Variants in CPSF3 observed in about 807,000 individuals in gnomAD.
The protein encoded by CPSF3 is cleavage and polyadenylation specificity factor subunit 3.
CPSF3 carries 57 observed loss-of-function variants against 84.1 expected under a neutral mutation model. That is an observed-to-expected ratio of 0.68 (90% CI 0.55 to 0.85). The LOEUF is 0.85. CPSF3 is among the 40% of genes least tolerant of loss of function. The pLI, the probability that CPSF3 is intolerant of heterozygous loss-of-function variation, is 0.00. For missense variants in CPSF3, 522 were observed against 838.8 expected (o/e 0.62, Z 4.66); for synonymous variants, 275 against 278.1 (o/e 0.99, Z 0.11).
At chr2:9,440,756 G>GCCT in intron 8 of CPSF3, 90 bp downstream of exon 8, 1 of 1,331,240 alleles carries the variant, frequency 7.5e-7, no homozygotes, top group Non-Finnish European at 1.1e-6. Context: ...ATGGCTCACA[G>GCCT]CTGTAATTTA....
Position 9,433,884 on chromosome 2 carries a change from G to C in CPSF3, c.533G>C (p.Gly178Ala). The C allele has an allele frequency of 6.2e-7, 1 of 1,609,602 alleles. No individual in the cohort carries two copies. The highest frequency in any genetic ancestry group is 1.1e-5 in the South Asian group (1 of 90,496). The change falls in exon 6 of 18, where the codon GGT (glycine) becomes GCT (alanine). Residue 178 changes from glycine to alanine, a missense_variant. Physicochemically the swap from Gly to Ala is moderately conservative, Grantham distance 60. Coordinates refer to ENST00000238112, the MANE Select transcript of CPSF3 (RefSeq NM_016207.4). ...TCTTTTTCACAGCTTTTGTACACTG[G>C]TGATTTCTCAAGACAAGAAGATAGG... is the stretch of plus-strand genomic sequence containing the variant. ...EIAGVKLLYT[G>A]DFSRQEDRHL...
At chr2:9,443,310 G>T (rs1280814470) in intron 9 of CPSF3, among the ~76,000 whole-genome samples, 1 of 152,120 alleles carries the variant, frequency 6.6e-6, no homozygotes, top group Admixed American at 6.6e-5. Context: ...ATGAGTTTTA[G>T]TTAATTTGTT....
At chr2:9,441,788 A>G (rs781660183) in intron 8 of CPSF3, 30 bp from the exon 9 acceptor site, 3 of 1,610,070 alleles carry the variant, frequency 1.9e-6, no homozygotes, top group African/African-American at 2.7e-5. Flanking sequence ...GGTAGCTAAC[A>G]TACTTTTCCC....
chr2:9,436,774 A>AAAAAAATAAATAAAAAATAATAAT (rs139337028), intron 7 of CPSF3, among the ~76,000 whole-genome samples: 2 of 143,002 alleles, frequency 1.4e-5, no homozygotes, highest in Non-Finnish European at 3.1e-5. Flanking sequence ...CCATCTCAAA[A>AAAAAAATAAATAAAAAATAATAAT]AATAATAATA....
intron 13 of CPSF3, among the ~76,000 whole-genome samples, chr2:9,456,602 C>T (rs973847057): frequency 6.6e-6 from 1 of 152,152 alleles, no homozygotes; most frequent in South Asian, 2.1e-4. Context: ...AACTAGCTGG[C>T]AACAATTGAC....
At position 9,425,484 on chromosome 2, in the gene CPSF3, C is replaced by A. The variant is rs978030337; in HGVS notation, c.50+1661C>A. ...AGTGAGATATTGAAAGATTCTAAGTCTAGCTGACGAGAGCCTGTAGTGAGT... is the reference window on the plus strand; with the variant it reads ...AGTGAGATATTGAAAGATTCTAAGTATAGCTGACGAGAGCCTGTAGTGAGT... On this transcript the variant is annotated intron_variant, in intron 1 of 17. Coordinates refer to ENST00000238112, the MANE Select transcript of CPSF3 (RefSeq NM_016207.4). Among the ~76,000 whole-genome samples, 7 of 152,130 alleles carry A rather than the reference C, an allele frequency of 4.6e-5. 1 individual carries two copies. Among genetic ancestry groups the A allele is most frequent in the Admixed American group, 3.3e-4 (5 of 15,268 alleles).
At chr2:9,449,442 CAAAA>C (rs1681242298) in intron 11 of CPSF3, among the ~76,000 whole-genome samples, 1 of 150,700 alleles carries the variant, frequency 6.6e-6, no homozygotes, top group African/African-American at 2.4e-5. Context: ...AACAAACAAA[CAAAA>C]AAGAAGTAAT....
At chr2:9,430,561 A>C (rs1295756062) in intron 3 of CPSF3, among the ~76,000 whole-genome samples, 191 bp from the exon 4 acceptor site, 1 of 152,222 alleles carries the variant, frequency 6.6e-6, no homozygotes, top group African/African-American at 2.4e-5. Flanking sequence ...AATACTTTAA[A>C]CATCTTTCCT....
chr2:9,432,490 C>T (rs1300663739), intron 4 of CPSF3, 21 bp from the exon 5 acceptor site: 1 of 1,421,608 alleles, frequency 7.0e-7, no homozygotes, highest in Non-Finnish European at 9.4e-7. Flanking sequence ...ATTGTTTTTG[C>T]TGGCATCTTT....
chr2:9,468,086 C>A (rs1400753308), intron 16 of CPSF3: 4 of 270,492 alleles, frequency 1.5e-5, no homozygotes, highest in Non-Finnish European at 2.0e-5. Flanking sequence ...AAAATCTTAG[C>A]TGAATGTTAC....
intron 4 of CPSF3, 117 bp from the exon 5 acceptor site, chr2:9,432,394 A>G (rs1680622009): frequency 1.5e-6 from 1 of 656,730 alleles, no homozygotes; most frequent in Non-Finnish European, 2.3e-6. Context: ...CATGATTCAT[A>G]CAGTATATTT....
intron 13 of CPSF3, among the ~76,000 whole-genome samples, chr2:9,456,511 G>T (rs1027286597): frequency 1.3e-5 from 2 of 152,184 alleles, no homozygotes; most frequent in Non-Finnish European, 2.9e-5. Flanking sequence ...TTAAGAGGAT[G>T]CTAGAAAGAC....
intron 7 of CPSF3, among the ~76,000 whole-genome samples, chr2:9,437,136 G>C (rs1680812521): frequency 6.6e-6 from 1 of 152,094 alleles, no homozygotes; most frequent in South Asian, 2.1e-4. Flanking sequence ...GGACGTGGTG[G>C]CTCACGCCTG....
chr2:9,456,790 G>T, intron 13 of CPSF3, 143 bp from the exon 14 acceptor site: 1 of 506,482 alleles, frequency 2.0e-6, no homozygotes, highest in East Asian at 3.1e-5. Flanking sequence ...GTACTTTGCT[G>T]TTTAAAAATT....
At chr2:9,460,219 G>A (rs1261895291) in intron 15 of CPSF3, among the ~76,000 whole-genome samples, 1 of 152,096 alleles carries the variant, frequency 6.6e-6, no homozygotes, top group Non-Finnish European at 1.5e-5. Flanking sequence ...CACAAGGTCA[G>A]GAGATCGAGA....
intron 15 of CPSF3, among the ~76,000 whole-genome samples, chr2:9,462,012 G>A (rs1420523459): frequency 6.6e-6 from 1 of 152,066 alleles, no homozygotes; most frequent in African/African-American, 2.4e-5. Flanking sequence ...CGCCTGTGTT[G>A]ACCTCCCAAG....
chr2:9,448,200 T>G lies in CPSF3; in HGVS notation c.1245T>G (p.Ile415Met). Residue 415 changes from isoleucine (I) to methionine (M), a missense_variant and splice_region_variant, in exon 11 of 18, where the codon ATT (isoleucine) becomes ATG (methionine). Ile to Met is a conservative substitution (Grantham distance 10, BLOSUM62 1). Around this residue, in one of 2 missense-constraint regions of CPSF3, gnomAD observed 329 missense variants for 607.2 expected, o/e 0.54. Transcript: ENST00000238112. ...CTTTTAACATTTATTCTATGTAGAT[T>G]TTAGTCCATGGAGAACAGAATGAAA... ...FIRALKPPHV[I>M]LVHGEQNEMA... 1 of 1,582,526 alleles carries G rather than the reference T, an allele frequency of 6.3e-7. No homozygotes were observed. The highest frequency in any genetic ancestry group is 8.6e-7 in the Non-Finnish European group (1 of 1,157,944).
At chr2:9,444,160 T>A (rs57142824) in intron 10 of CPSF3, among the ~76,000 whole-genome samples, 2,578 of 115,646 alleles carry the variant, frequency 0.022, 32 homozygotes, top group Middle Eastern at 0.03. Flanking sequence ...ATATATATAT[T>A]TTTTTTTTTT....
In CPSF3 at chr2:9,471,346, C is replaced by G; in HGVS notation, c.1860C>G (p.Asp620Glu). ...YSKRLEIMLQ[D>E]IFGEDCVSVK... is the part of the protein sequence containing the mutation. ...CTGCATTTCTGCTTATTTTCAGGGACATATTTGGAGAAGACTGTGTAAGTG... is the reference window on the plus strand; with the variant it reads ...CTGCATTTCTGCTTATTTTCAGGGAGATATTTGGAGAAGACTGTGTAAGTG... Residue 620 changes from aspartate (D) to glutamate (E), a missense_variant, in exon 17 of 18, where the codon GAC becomes GAG. Asp to Glu is a conservative substitution (Grantham distance 45). Around this residue, in one of 2 missense-constraint regions of CPSF3, gnomAD observed 193 missense variants for 231.6 expected, o/e 0.83. Coordinates refer to ENST00000238112, the MANE Select transcript of CPSF3 (RefSeq NM_016207.4). The G allele has an allele frequency of 6.3e-7, 1 of 1,596,396 alleles. No individual in the cohort carries two copies. The highest frequency in any genetic ancestry group is 8.6e-7 in the Non-Finnish European group (1 of 1,164,240).
Sources: gnomAD v4.1 joint callset for allele counts (sites outside exome capture counted in the v4.1 genomes callset) on GRCh38, gnomAD v4.1.1 for gene constraint, gnomAD v4.1.1 regional missense constraint, MANE v1.5 for transcripts, NCBI Gene and HGNC (gene_info 2026-07-23, HGNC 2026-07-21) for gene names.